Variants in VGLL4 observed in about 807,000 individuals in gnomAD.
VGLL4 encodes the protein vestigial like family member 4.
In VGLL4, 7 loss-of-function variants were observed where a neutral mutation model predicts 21.0. That is an observed-to-expected ratio of 0.33 (90% CI 0.19 to 0.63). The LOEUF (loss-of-function observed/expected upper bound fraction) is 0.63, where lower values mean the gene tolerates loss of function less well. Ranked by LOEUF, VGLL4 falls within the 20% of genes least tolerant of loss-of-function variation. VGLL4 has a pLI of 0.78. For missense variants in VGLL4, 394 were observed against 425.7 expected (o/e 0.93, Z 0.66); for synonymous variants, 222 against 173.2 (o/e 1.28, Z -2.21).
intron 1 of VGLL4, among the ~76,000 whole-genome samples, chr3:11,642,275 T>C (rs1015590141): frequency 8.5e-5 from 13 of 152,190 alleles, no homozygotes; most frequent in Admixed American, 2.6e-4. Flanking sequence ...TCCTCATCCA[T>C]AGAGTTTTAA....
At chr3:11,661,905 AGT>A (rs2076044706) in intron 2 of VGLL4, among the ~76,000 whole-genome samples, 1 of 152,246 alleles carries the variant, frequency 6.6e-6, no homozygotes, top group Non-Finnish European at 1.5e-5. Flanking sequence ...GTTCAAGAAG[AGT>A]GAGGCAATCC....
chr3:11,640,343 A>AT (rs1559917651), intron 1 of VGLL4, among the ~76,000 whole-genome samples: 1 of 152,140 alleles, frequency 6.6e-6, no homozygotes, highest in East Asian at 1.9e-4. Context: ...GAGGGAAAAA[A>AT]TGAGGGCTGG....
chr3:11,559,369 G>A lies in VGLL4; in HGVS notation c.582C>T (p.Ala194=), dbSNP rs377383551. The change falls in exon 4 of 5, where the codon GCC becomes GCT. Residue 194 remains alanine (A), a synonymous_variant. Transcript: ENST00000430365. ...SHCPIAHSGC[A]APGPASYRRP... ...TCCGGTAGCTGGCAGGCCCGGGCGC[G>A]GCACAGCCGCTGTGCGCGATGGGGC... The A allele has an allele frequency of 1.1e-4, 166 of 1,552,404 alleles. No homozygotes were observed. The highest frequency in any genetic ancestry group is 5.9e-4 in the Middle Eastern group (3 of 5,116).
chr3:11,591,151 G>T (rs568342628), intron 2 of VGLL4, among the ~76,000 whole-genome samples: 1 of 152,190 alleles, frequency 6.6e-6, no homozygotes, highest in South Asian at 2.1e-4. Context: ...CAGGAAAACA[G>T]CAGAATCCTG....
At chr3:11,709,802 C>A (rs1357507017) in intron 1 of VGLL4, among the ~76,000 whole-genome samples, 1 of 152,106 alleles carries the variant, frequency 6.6e-6, no homozygotes, top group South Asian at 2.1e-4. Context: ...TTTTGGCCTT[C>A]CACAAAGAAC....
intron 1 of VGLL4, among the ~76,000 whole-genome samples, chr3:11,616,107 C>T (rs895085115): frequency 6.6e-6 from 1 of 152,182 alleles, no homozygotes; most frequent in Non-Finnish European, 1.5e-5. Flanking sequence ...ATCTCACCCT[C>T]TCTCTCCAGC....
intron 1 of VGLL4, 113 bp from the exon 2 acceptor site, chr3:11,602,135 T>A: frequency 9.4e-7 from 1 of 1,063,702 alleles, no homozygotes; most frequent in Non-Finnish European, 1.3e-6. Context: ...CAGTGGAAAG[T>A]TTTTGGCAAT....
intron 2 of VGLL4, among the ~76,000 whole-genome samples, chr3:11,668,601 A>G (rs1266264408): frequency 6.6e-6 from 1 of 152,200 alleles, no homozygotes; most frequent in Non-Finnish European, 1.5e-5. Flanking sequence ...ACCCATCTCA[A>G]CGTGTCATCA....
At chr3:11,563,454 C>T (rs1489870047) in intron 3 of VGLL4, among the ~76,000 whole-genome samples, 1 of 152,248 alleles carries the variant, frequency 6.6e-6, no homozygotes, top group Non-Finnish European at 1.5e-5. Context: ...CCAGCCCCTG[C>T]TGCTGCCCAA....
Position 11,558,366 on chromosome 3 carries a change from G to A in VGLL4, c.*190C>T. On this transcript the variant is annotated 3_prime_UTR_variant, in exon 5 of 5. Transcript: ENST00000430365. ...GCGTAGTTCCTGCTATCATGTTTGA[G>A]GGCCCCCTTGTACGGATACCAAGCA... 2 of 886,642 alleles carry A rather than the reference G, an allele frequency of 2.3e-6. No individual in the cohort carries two copies. The highest frequency in any genetic ancestry group is 3.3e-6 in the Non-Finnish European group (2 of 601,034). The allele number at this position is 886,642 out of a possible 1,614,324, so 54.9% of individuals were successfully genotyped here. A position where few individuals can be genotyped will look rare whatever the true frequency, so the allele number is the denominator to read the frequency against.
At chr3:11,631,755 T>A (rs2125316718) in intron 1 of VGLL4, among the ~76,000 whole-genome samples, 1 of 152,284 alleles carries the variant, frequency 6.6e-6, no homozygotes, top group East Asian at 1.9e-4. Context: ...GCTATACCCT[T>A]AGGAGTTCAT....
chr3:11,579,874 T>C (rs566835085), intron 2 of VGLL4, among the ~76,000 whole-genome samples: 1 of 152,332 alleles, frequency 6.6e-6, no homozygotes, highest in East Asian at 1.9e-4. Context: ...ACTGTATTCC[T>C]GGAGCTCGGT....
chr3:11,657,649 G>T lies in VGLL4; in HGVS notation c.64+45322C>A, dbSNP rs112858856. ...AAAATGAAGAGATCTAAAACTCCTGGCTGTCACTAGTTCTAGGTGAGTCTG... is the reference window on the plus strand; with the variant it reads ...AAAATGAAGAGATCTAAAACTCCTGTCTGTCACTAGTTCTAGGTGAGTCTG... On this transcript the variant is annotated intron_variant, in intron 2 of 5. Coordinates refer to the VGLL4 transcript ENST00000273038. Among the ~76,000 whole-genome samples, 320 of 152,262 alleles carry T rather than the reference G, an allele frequency of 2.1e-3. 1 individual carries two copies. Among genetic ancestry groups the T allele is most frequent in the African/African-American group, 7.4e-3 (308 of 41,548 alleles).
At chr3:11,689,203 A>C (rs2076491775) in intron 2 of VGLL4, among the ~76,000 whole-genome samples, 1 of 152,074 alleles carries the variant, frequency 6.6e-6, no homozygotes, top group South Asian at 2.1e-4. Context: ...TGGCTCACTT[A>C]CTTCCCATTT....
chr3:11,696,535 G>A (rs548442424), intron 2 of VGLL4, among the ~76,000 whole-genome samples: 31 of 152,272 alleles, frequency 2.0e-4, no homozygotes, highest in African/African-American at 6.7e-4. Context: ...ATACAACGGA[G>A]GAGCCAGGAG....
intron 2 of VGLL4, among the ~76,000 whole-genome samples, chr3:11,673,309 T>A (rs1008544012): frequency 1.7e-4 from 26 of 152,064 alleles, no homozygotes; most frequent in Non-Finnish European, 2.9e-4. Flanking sequence ...TGTGATTTTT[T>A]AAATAGTTCT....
intron 1 of VGLL4, among the ~76,000 whole-genome samples, chr3:11,639,827 G>A (rs2075655419): frequency 6.6e-6 from 1 of 152,084 alleles, no homozygotes. Flanking sequence ...AGTGAGTGGA[G>A]ATGGCGCCAC....
At chr3:11,585,199 G>A (rs1047168914) in intron 2 of VGLL4, among the ~76,000 whole-genome samples, 1 of 152,152 alleles carries the variant, frequency 6.6e-6, no homozygotes, top group Non-Finnish European at 1.5e-5. Flanking sequence ...ACTTTGGGAG[G>A]CCGAGGCGGG....
intron 2 of VGLL4, among the ~76,000 whole-genome samples, chr3:11,577,543 A>C (rs2074090397): frequency 6.6e-6 from 1 of 152,200 alleles, no homozygotes; most frequent in South Asian, 2.1e-4. Context: ...CAGTGAGCCG[A>C]GATCATGCCA....
Sources: gnomAD v4.1 joint callset for allele counts (sites outside exome capture counted in the v4.1 genomes callset) on GRCh38, gnomAD v4.1.1 for gene constraint, MANE v1.5 for transcripts, NCBI Gene and HGNC (gene_info 2026-07-23, HGNC 2026-07-21) for gene names.